The following RAB3C variants were observed in gnomAD, a reference collection of about 807,000 sequenced individuals.
RAB3C encodes the protein RAB3C, member RAS oncogene family.
In RAB3C, 17 loss-of-function variants were observed where a neutral mutation model predicts 26.4. The observed-to-expected ratio is 0.64, with a 90% confidence interval of 0.44 to 0.97. The LOEUF (loss-of-function observed/expected upper bound fraction) is 0.97, where lower values mean the gene tolerates loss of function less well. Ranked by LOEUF, RAB3C falls within the 50% of genes least tolerant of loss-of-function variation. RAB3C has a pLI of 0.00. For missense variants in RAB3C, 242 were observed against 281.9 expected (o/e 0.86, Z 1.01); for synonymous variants, 91 against 95.9 (o/e 0.95, Z 0.30).
rs544819553 is a variant in RAB3C at position 58,651,021 on chromosome 5, A to G, written c.252+33151A>G. Among the ~76,000 whole-genome samples the G allele has an allele frequency of 2.2e-4, 34 of 152,352 alleles. 2 individuals are homozygous for G. The South Asian group carries it at 7.0e-3, about 32-fold the overall frequency. The stretch of plus-strand genomic sequence containing the variant: ...CTGGGCATTTGGATCCATAGGAGCT[A>G]GGTAATGTCTTTGCAACATTTGGAG... On this transcript the variant is annotated intron_variant, in intron 2 of 4. Coordinates refer to ENST00000282878, the MANE Select transcript of RAB3C (RefSeq NM_138453.4).
chr5:58,745,708 A>G (rs890079688), intron 3 of RAB3C, among the ~76,000 whole-genome samples: 13 of 152,162 alleles, frequency 8.5e-5, no homozygotes, highest in African/African-American at 2.9e-4. Context: ...GCCAGGATCA[A>G]TTGCCTCTTC....
At chr5:58,680,409 A>G (rs911067931) in intron 2 of RAB3C, among the ~76,000 whole-genome samples, 4 of 152,262 alleles carry the variant, frequency 2.6e-5, no homozygotes, top group African/African-American at 4.8e-5. Context: ...AATGACCTGG[A>G]CACTTGTATG....
rs1744141303 is a variant in RAB3C, at chr5:58,852,792, T to C, written c.*1441T>C. On this transcript the variant is annotated 3_prime_UTR_variant, in exon 5 of 5. Coordinates refer to ENST00000282878, the MANE Select transcript of RAB3C (RefSeq NM_138453.4). ...GATTTAGGAAGGAAGCAGGAATTAT[T>C]TGGCAGATTTGGAAGGATAGTTTCG... 1.3e-5 allele frequency: 2 copies of C among 152,222 alleles called. No individual in the cohort carries two copies. Among genetic ancestry groups the C allele is most frequent in the Admixed American group, 1.3e-4 (2 of 15,284 alleles). The allele number at this position is 152,222 out of a possible 1,614,324, so 9.4% of individuals were successfully genotyped here. A position where few individuals can be genotyped will look rare whatever the true frequency, so the allele number is the denominator to read the frequency against.
intron 2 of RAB3C, among the ~76,000 whole-genome samples, chr5:58,705,424 T>C (rs1748924853): frequency 6.6e-6 from 1 of 152,166 alleles, no homozygotes; most frequent in African/African-American, 2.4e-5. Flanking sequence ...TTATTGAAAA[T>C]CTACAAATAA....
At chr5:58,810,431 C>CTTTGT (rs764030241) in intron 3 of RAB3C, among the ~76,000 whole-genome samples, 2 of 148,608 alleles carry the variant, frequency 1.3e-5, no homozygotes, top group Non-Finnish European at 3.0e-5. Context: ...TTAGAAGTTA[C>CTTTGT]TTTGTTTTGT....
At chr5:58,653,007 A>G (rs1747691295) in intron 2 of RAB3C, among the ~76,000 whole-genome samples, 1 of 152,208 alleles carries the variant, frequency 6.6e-6, no homozygotes, top group African/African-American at 2.4e-5. Flanking sequence ...CTTCTAGGAT[A>G]CAAGTGCAGA....
At chr5:58,608,305 A>G (rs1001091608) in intron 1 of RAB3C, among the ~76,000 whole-genome samples, 14 of 152,058 alleles carry the variant, frequency 9.2e-5, no homozygotes, top group Non-Finnish European at 1.5e-5. Context: ...AATATCCAGA[A>G]TCTACAAAGA....
At chr5:58,673,767 G>T (rs536131993) in intron 2 of RAB3C, among the ~76,000 whole-genome samples, 1 of 152,242 alleles carries the variant, frequency 6.6e-6, no homozygotes, top group Non-Finnish European at 1.5e-5. Context: ...AATACTTTTT[G>T]TGTATCTGCA....
intron 2 of RAB3C, among the ~76,000 whole-genome samples, chr5:58,670,127 G>C (rs184288749): frequency 2.0e-5 from 3 of 152,194 alleles, no homozygotes; most frequent in Admixed American, 1.3e-4. Context: ...GAATCTGATA[G>C]TAGCAGTTCT....
chr5:58,746,406 C>T (rs1741405030), intron 3 of RAB3C, among the ~76,000 whole-genome samples: 1 of 152,152 alleles, frequency 6.6e-6, no homozygotes, highest in South Asian at 2.1e-4. Context: ...GGGTGATATG[C>T]TGAATAATTT....
At chr5:58,589,240 A>G (rs77439626) in intron 1 of RAB3C, among the ~76,000 whole-genome samples, 4,817 of 152,204 alleles carry the variant, frequency 0.032, 228 homozygotes, top group African/African-American at 0.11. Flanking sequence ...TTTTTTAGCT[A>G]ATCTGGCATT....
At chr5:58,832,112 C>T (rs182824932) in intron 4 of RAB3C, among the ~76,000 whole-genome samples, 14 of 152,290 alleles carry the variant, frequency 9.2e-5, no homozygotes, top group Admixed American at 2.0e-4. Context: ...TCGTGCTGCC[C>T]GGCCACAGGG....
upstream of RAB3C, chr5:58,582,217 G>A (rs921864407): frequency 6.2e-6 from 1 of 162,178 alleles, no homozygotes; most frequent in Non-Finnish European, 1.3e-5. Flanking sequence ...CCCTCCAGAG[G>A]AAAGAAGCCC....
At chr5:58,848,041 G>A (rs1744041387) in intron 4 of RAB3C, among the ~76,000 whole-genome samples, 2 of 152,206 alleles carry the variant, frequency 1.3e-5, no homozygotes, top group South Asian at 4.2e-4. Context: ...ATTTTTAGTA[G>A]AGGCAGGGTT....
chr5:58,589,289 T>C (rs997351432), intron 1 of RAB3C, among the ~76,000 whole-genome samples: 1 of 152,194 alleles, frequency 6.6e-6, no homozygotes, highest in Non-Finnish European at 1.5e-5. Context: ...TATTGTCCTT[T>C]CTATATATAG....
chr5:58,738,514 A>C (rs1412902295), intron 3 of RAB3C, among the ~76,000 whole-genome samples: 2 of 148,524 alleles, frequency 1.3e-5, no homozygotes, highest in Admixed American at 1.4e-4. Context: ...AGCTAAGAGA[A>C]TAGAGAGAGA....
intron 2 of RAB3C, among the ~76,000 whole-genome samples, chr5:58,621,925 C>T (rs1222688445): frequency 1.3e-5 from 2 of 152,160 alleles, no homozygotes; most frequent in South Asian, 2.1e-4. Flanking sequence ...AGTGGGAAAG[C>T]GCTCCTCATT....
chr5:58,793,186 A>G (rs748898534), intron 3 of RAB3C, among the ~76,000 whole-genome samples: 26 of 152,178 alleles, frequency 1.7e-4, no homozygotes, highest in Non-Finnish European at 3.4e-4. Context: ...GCTGAACTGT[A>G]CAGCCTGTGG....
intron 2 of RAB3C, among the ~76,000 whole-genome samples, chr5:58,629,008 T>TAGTG (rs551310432): frequency 2.1e-3 from 215 of 104,272 alleles, no homozygotes; most frequent in African/African-American, 7.7e-3. Flanking sequence ...TTGGGCAACA[T>TAGTG]AGTGAGACCT....
Sources: allele counts gnomAD v4.1 joint callset (sites outside exome capture counted in the v4.1 genomes callset), GRCh38; gene constraint gnomAD v4.1.1; transcripts MANE v1.5; gene names NCBI Gene and HGNC (gene_info 2026-07-23, HGNC 2026-07-21).